The following KAZN variants were observed in gnomAD, a reference collection of about 807,000 sequenced individuals.
KAZN encodes the protein kazrin.
In KAZN, 40 loss-of-function variants were observed where a neutral mutation model predicts 87.4. The ratio of observed to expected loss-of-function variants is 0.46; its 90% CI spans 0.36 to 0.60. The LOEUF (loss-of-function observed/expected upper bound fraction) is 0.60, where lower values mean the gene tolerates loss of function less well. Ranked by LOEUF, KAZN falls within the 20% of genes least tolerant of loss-of-function variation. The pLI is 0.00. For missense variants in KAZN, 898 were observed against 1,073.9 expected (o/e 0.84, Z 2.29); for synonymous variants, 466 against 458.3 (o/e 1.02, Z -0.22).
intron 2 of KAZN, among the ~76,000 whole-genome samples, chr1:14,417,255 T>C (rs1485889951): frequency 6.6e-6 from 1 of 152,080 alleles, no homozygotes; most frequent in East Asian, 1.9e-4. Flanking sequence ...ATTCCATTGA[T>C]GAAATCACAC....
chr1:14,547,543 A>G lies in KAZN; in HGVS notation c.250-51440A>G, dbSNP rs530666027. 2.0e-5 allele frequency among the ~76,000 whole-genome samples: 3 copies of G among 152,314 alleles called. No homozygotes were observed. In the South Asian group the frequency reaches 6.2e-4, roughly 32 times the overall value. ...ACATGAATCAAAACAAGGTTCCCTG[A>G]TGTATTTTTTAGTGTTAAGGTTTTT... On this transcript the variant is annotated intron_variant, in intron 2 of 16. Transcript: ENST00000636203.
Position 14,342,957 on chromosome 1 carries a change from A to C in KAZN, c.249+162365A>C, listed in dbSNP as rs111425150. ...GGAGTTTGAGACCAGCTTGGCCAAC[A>C]TGGTGAAACCCCATCTCTACTAAAA... On this transcript the variant is annotated intron_variant, in intron 2 of 16. Coordinates refer to the KAZN transcript ENST00000636203. Among the ~76,000 whole-genome samples, 1,004 of 152,250 alleles carry C rather than the reference A, an allele frequency of 6.6e-3. 9 individuals carry two copies. The highest frequency in any genetic ancestry group is 0.023 in the African/African-American group (956 of 41,544).
At chr1:14,029,795 C>T (rs1012829298) in intron 1 of KAZN, among the ~76,000 whole-genome samples, 1 of 151,756 alleles carries the variant, frequency 6.6e-6, no homozygotes, top group Non-Finnish European at 1.5e-5. Flanking sequence ...AGATATGTGG[C>T]GTTATTTCTG....
chr1:14,100,943 C>T (rs1243254378), intron 1 of KAZN, among the ~76,000 whole-genome samples: 1 of 152,212 alleles, frequency 6.6e-6, no homozygotes, highest in Non-Finnish European at 1.5e-5. Context: ...AGTTTCCCTA[C>T]ACAAGCTCTC....
intron 1 of KAZN, among the ~76,000 whole-genome samples, chr1:14,857,634 G>T (rs536177828): frequency 6.6e-6 from 1 of 152,126 alleles, no homozygotes; most frequent in African/African-American, 2.4e-5. Context: ...GAGGGCGCCC[G>T]CTGGCTCATT....
At chr1:13,991,190 A>G (rs988468780) in intron 1 of KAZN, among the ~76,000 whole-genome samples, 3 of 152,162 alleles carry the variant, frequency 2.0e-5, no homozygotes, top group Non-Finnish European at 4.4e-5. Flanking sequence ...GCTGGCTTCC[A>G]TGGTGTAAAT....
chr1:14,505,976 A>G (rs1428365888), intron 2 of KAZN, among the ~76,000 whole-genome samples: 1 of 152,232 alleles, frequency 6.6e-6, no homozygotes, highest in Non-Finnish European at 1.5e-5. Flanking sequence ...TCCATCTCAA[A>G]AAAAAAAGTT....
At chr1:14,332,937 G>C (rs914258224) in intron 2 of KAZN, among the ~76,000 whole-genome samples, 3 of 152,090 alleles carry the variant, frequency 2.0e-5, no homozygotes, top group Non-Finnish European at 4.4e-5. Context: ...TTGTTACATA[G>C]GTAAACGTGT....
intron 1 of KAZN, among the ~76,000 whole-genome samples, chr1:14,863,387 G>C (rs939436254): frequency 6.6e-6 from 1 of 152,172 alleles, no homozygotes; most frequent in Non-Finnish European, 1.5e-5. Context: ...TGCTGTGTTG[G>C]GGGATGAATG....
intron 1 of KAZN, among the ~76,000 whole-genome samples, chr1:14,168,886 A>G (rs1018260129): frequency 6.6e-6 from 1 of 152,176 alleles, no homozygotes; most frequent in African/African-American, 2.4e-5. Flanking sequence ...CACTCAGCAC[A>G]GTGCTTGATA....
At chr1:14,514,519 T>TATTTATATAA (rs1553182553) in intron 2 of KAZN, among the ~76,000 whole-genome samples, 118 of 10,978 alleles carry the variant, frequency 0.011, 2 homozygotes, top group East Asian at 0.017. Flanking sequence ...ATATATGAAA[T>TATTTATATAA]ATATATTTTA....
chr1:14,257,943 T>TA (rs529361900), intron 2 of KAZN, among the ~76,000 whole-genome samples: 20,217 of 45,282 alleles, frequency 0.45, 2,976 homozygotes, highest in East Asian at 0.62. Context: ...TAGAGTATAA[T>TA]AAAAAAAAAA....
chr1:14,164,931 A>T (rs1235310875), intron 1 of KAZN, among the ~76,000 whole-genome samples: 1 of 152,210 alleles, frequency 6.6e-6, no homozygotes, highest in African/African-American at 2.4e-5. Flanking sequence ...AGCTGTGGCT[A>T]AAATAAAATA....
chr1:14,796,053 A>G (rs1645818363), intron 1 of KAZN, among the ~76,000 whole-genome samples: 2 of 152,038 alleles, frequency 1.3e-5, no homozygotes, highest in African/African-American at 2.4e-5. Context: ...GGAGGAATCT[A>G]TCCTCTGCCT....
intron 2 of KAZN, among the ~76,000 whole-genome samples, chr1:14,249,089 T>TA (rs1649775615): frequency 6.6e-6 from 1 of 152,222 alleles, no homozygotes; most frequent in Non-Finnish European, 1.5e-5. Context: ...TCCTGCCTGC[T>TA]AAAGCCCCTG....
rs535251595 is a variant in KAZN, at chr1:14,726,442, G to C, written c.226+127219G>C. 5.3e-5 allele frequency among the ~76,000 whole-genome samples: 8 copies of C among 152,278 alleles called. No homozygotes were observed. In the East Asian group the frequency reaches 1.5e-3, roughly 29 times the overall value. On this transcript the variant is annotated intron_variant, in intron 1 of 14. Transcript: ENST00000376030. ...TCTCAGCAGGTGTGGAGCGGCTTCCGGGTGTGTGCTCTCCCCCAGGGATCC... is the reference window on the plus strand; with the variant it reads ...TCTCAGCAGGTGTGGAGCGGCTTCCCGGTGTGTGCTCTCCCCCAGGGATCC...
At chr1:14,061,312 T>C (rs7541229) in intron 1 of KAZN, among the ~76,000 whole-genome samples, 8,076 of 151,964 alleles carry the variant, frequency 0.053, 586 homozygotes, top group African/African-American at 0.16. Context: ...TCTGGAGAGT[T>C]AGTGACCTAT....
At chr1:14,346,416 C>A (rs187995466) in intron 2 of KAZN, among the ~76,000 whole-genome samples, 8 of 152,218 alleles carry the variant, frequency 5.3e-5, no homozygotes, top group Admixed American at 5.2e-4. Flanking sequence ...CTCCTTTGCA[C>A]CGGTGTTCTT....
intron 1 of KAZN, among the ~76,000 whole-genome samples, chr1:14,894,806 A>T (rs1011066808): frequency 6.6e-6 from 1 of 152,270 alleles, no homozygotes; most frequent in Non-Finnish European, 1.5e-5. Flanking sequence ...ATTCTGTGCT[A>T]TCACACCAAG....
Sources: allele counts gnomAD v4.1 joint callset (sites outside exome capture counted in the v4.1 genomes callset), GRCh38; gene constraint gnomAD v4.1.1; transcripts MANE v1.5; gene names NCBI Gene and HGNC (gene_info 2026-07-23, HGNC 2026-07-21).